Variants in CNTN4 observed in about 807,000 individuals in gnomAD.
The protein encoded by CNTN4 is contactin-4.
Under a neutral mutation model 122.5 loss-of-function variants are expected in CNTN4, and 77 were observed. That is an observed-to-expected ratio of 0.63 (90% CI 0.52 to 0.76). The LOEUF (loss-of-function observed/expected upper bound fraction) is 0.76. Ranked by LOEUF, CNTN4 falls within the 30% of genes least tolerant of loss-of-function variation. The pLI is 0.00. For missense variants in CNTN4, 1,256 were observed against 1,259.1 expected (o/e 1.00, Z 0.04); for synonymous variants, 512 against 447.0 (o/e 1.15, Z -1.83).
intron 19 of CNTN4, 30 bp downstream of exon 19, chr3:3,039,033 A>G: frequency 1.3e-6 from 2 of 1,545,508 alleles, no homozygotes; most frequent in Non-Finnish European, 1.8e-6. Flanking sequence ...AAAGGAACGT[A>G]CACGCATCGA....
intron 3 of CNTN4, among the ~76,000 whole-genome samples, chr3:2,376,483 A>T (rs2045820893): frequency 6.6e-6 from 1 of 152,092 alleles, no homozygotes; most frequent in African/African-American, 2.4e-5. Flanking sequence ...AGGCGGTAAT[A>T]TTTGAAGTGG....
At chr3:2,403,644 A>C (rs1486252117) in intron 3 of CNTN4, among the ~76,000 whole-genome samples, 1 of 152,180 alleles carries the variant, frequency 6.6e-6, no homozygotes, top group Non-Finnish European at 1.5e-5. Context: ...GGTTTCTGAG[A>C]ATCATCAAAT....
intron 3 of CNTN4, among the ~76,000 whole-genome samples, chr3:2,478,928 T>G (rs979864688): frequency 6.6e-6 from 1 of 152,150 alleles, no homozygotes; most frequent in African/African-American, 2.4e-5. Flanking sequence ...TATACTTTAA[T>G]TTTTACTATA....
intron 4 of CNTN4, among the ~76,000 whole-genome samples, chr3:2,674,091 A>G (rs1489510115): frequency 6.6e-6 from 1 of 152,180 alleles, no homozygotes; most frequent in Non-Finnish European, 1.5e-5. Flanking sequence ...TGAAAGAACC[A>G]TGAGAAATAA....
At chr3:2,843,266 A>C (rs79158786) in intron 7 of CNTN4, among the ~76,000 whole-genome samples, 7 of 151,976 alleles carry the variant, frequency 4.6e-5, no homozygotes, top group African/African-American at 1.5e-4. Flanking sequence ...ATTTATTTCC[A>C]TGCCACCATT....
intron 13 of CNTN4, among the ~76,000 whole-genome samples, chr3:2,940,231 G>C (rs1189019055): frequency 6.6e-6 from 1 of 152,204 alleles, no homozygotes; most frequent in Non-Finnish European, 1.5e-5. Flanking sequence ...TTGTCAGAAA[G>C]CTAAACGGAG....
intron 2 of CNTN4, among the ~76,000 whole-genome samples, chr3:2,186,383 A>G (rs372162399): frequency 6.6e-6 from 1 of 152,132 alleles, no homozygotes; most frequent in African/African-American, 2.4e-5. Context: ...TAGTGCCGCA[A>G]TAAACATACG....
intron 2 of CNTN4, among the ~76,000 whole-genome samples, chr3:2,288,661 A>C (rs1169886971): frequency 2.0e-5 from 3 of 152,196 alleles, no homozygotes; most frequent in African/African-American, 7.2e-5. Context: ...TTTCAAATGG[A>C]ATAGATAAAG....
rs141427417 is a variant in CNTN4 at position 2,611,020 on chromosome 3, A to G, written c.55+39462A>G. Among the ~76,000 whole-genome samples the G allele has an allele frequency of 3.7e-3, 560 of 152,254 alleles. 3 individuals are homozygous for G. The highest frequency in any genetic ancestry group is 0.013 in the African/African-American group (535 of 41,548). ...ACGATACGATACATCTTATAACAAT[A>G]CTTCCATTATAACATGCTTTATATG... On this transcript the variant is annotated intron_variant, in intron 4 of 24. Coordinates refer to ENST00000418658, the MANE Select transcript of CNTN4 (RefSeq NM_175607.3).
chr3:2,275,919 CA>C (rs767326367), intron 2 of CNTN4, among the ~76,000 whole-genome samples: 36,885 of 106,820 alleles, frequency 0.35, 4,926 homozygotes, highest in Middle Eastern at 0.42. Context: ...GACTCTGTCT[CA>C]AAAAAAAAAA....
intron 2 of CNTN4, among the ~76,000 whole-genome samples, chr3:2,102,803 C>T (rs1227934489): frequency 6.6e-6 from 1 of 152,108 alleles, no homozygotes; most frequent in Non-Finnish European, 1.5e-5. Context: ...GAAATGTTAT[C>T]CAGGAAGTAG....
At chr3:2,424,519 T>G (rs1255421922) in intron 3 of CNTN4, among the ~76,000 whole-genome samples, 2 of 152,314 alleles carry the variant, frequency 1.3e-5, no homozygotes, top group South Asian at 2.1e-4. Flanking sequence ...AGTGCCGCAC[T>G]AAACATATGT....
chr3:2,610,532 G>A (rs554451187), intron 4 of CNTN4, among the ~76,000 whole-genome samples: 3 of 152,132 alleles, frequency 2.0e-5, no homozygotes, highest in African/African-American at 4.8e-5. Flanking sequence ...ATTTCAGCCT[G>A]TGTAGAAACT....
intron 4 of CNTN4, among the ~76,000 whole-genome samples, chr3:2,628,781 A>G (rs2150012621): frequency 6.6e-6 from 1 of 152,382 alleles, no homozygotes; most frequent in African/African-American, 2.4e-5. Context: ...GTGATAATTC[A>G]GAACTGGACG....
At chr3:2,881,322 G>A (rs1339488337) in intron 8 of CNTN4, among the ~76,000 whole-genome samples, 2 of 152,080 alleles carry the variant, frequency 1.3e-5, no homozygotes. Context: ...AGACGAGCCT[G>A]GCCAACATAG....
At chr3:2,902,617 G>T (rs960312705) in intron 11 of CNTN4, among the ~76,000 whole-genome samples, 1 of 152,108 alleles carries the variant, frequency 6.6e-6, no homozygotes, top group African/African-American at 2.4e-5. Context: ...AATCTGAATG[G>T]CTCCACTATT....
intron 4 of CNTN4, among the ~76,000 whole-genome samples, chr3:2,706,819 C>G (rs1377615390): frequency 1.3e-5 from 2 of 152,102 alleles, no homozygotes; most frequent in Non-Finnish European, 2.9e-5. Context: ...TAAATTTCAT[C>G]TTTCCTGGTA....
chr3:2,978,473 G>A (rs1331499258), intron 13 of CNTN4, among the ~76,000 whole-genome samples: 2 of 152,206 alleles, frequency 1.3e-5, no homozygotes, highest in East Asian at 3.8e-4. Flanking sequence ...GCTGCTGCCC[G>A]TCTCCTCCAG....
chr3:3,004,159 A>G (rs925817261), intron 14 of CNTN4, among the ~76,000 whole-genome samples: 8 of 152,208 alleles, frequency 5.3e-5, no homozygotes, highest in Admixed American at 3.3e-4. Context: ...CACACTTAAA[A>G]AAAAAAAGAA....
Sources: allele counts gnomAD v4.1 joint callset (sites outside exome capture counted in the v4.1 genomes callset), GRCh38; gene constraint gnomAD v4.1.1; transcripts MANE v1.5; gene names NCBI Gene and HGNC (gene_info 2026-07-23, HGNC 2026-07-21).